Variants in DCC observed in about 807,000 individuals in gnomAD.
DCC encodes netrin receptor DCC.
DCC carries 58 observed loss-of-function variants against 172.5 expected under a neutral mutation model. The observed-to-expected ratio is 0.34, with a 90% CI of 0.27 to 0.42. The LOEUF (loss-of-function observed/expected upper bound fraction) is 0.42, where lower values mean the gene tolerates loss of function less well. Among genes scored for constraint, DCC ranks in the 10% least tolerant of loss-of-function variants. DCC has a pLI of 1.00. For synonymous variants in DCC, 709 were observed against 644.5 expected, an observed-to-expected ratio of 1.10 and a Z score of -1.52; for missense variants, 1,740 against 1,791.0, an observed-to-expected ratio of 0.97 and a Z score of 0.51.
At chr18:53,198,544 A>C (rs1372613352) in intron 9 of DCC, among the ~76,000 whole-genome samples, 1 of 152,082 alleles carries the variant, frequency 6.6e-6, no homozygotes, top group Non-Finnish European at 1.5e-5. Context: ...AGATTCGGCT[A>C]ACTTTTATAT....
chr18:52,413,933 G>A (rs1465479749), intron 1 of DCC, among the ~76,000 whole-genome samples: 1 of 152,160 alleles, frequency 6.6e-6, no homozygotes, highest in Admixed American at 6.5e-5. Context: ...CAAATAGAAT[G>A]ATTTGTCATT....
At chr18:52,699,579 A>AAT (rs1334255733) in intron 1 of DCC, among the ~76,000 whole-genome samples, 1 of 152,208 alleles carries the variant, frequency 6.6e-6, no homozygotes, top group Admixed American at 6.5e-5. Context: ...GAAATGACAA[A>AAT]TCAAAGCCTT....
chr18:52,576,415 T>C (rs898326436), intron 1 of DCC, among the ~76,000 whole-genome samples: 10 of 152,210 alleles, frequency 6.6e-5, no homozygotes, highest in African/African-American at 2.4e-4. Context: ...AGAATAATTT[T>C]AAAGAGGGCA....
At chr18:53,096,661 C>T (rs1157862785) in intron 7 of DCC, among the ~76,000 whole-genome samples, 1 of 152,032 alleles carries the variant, frequency 6.6e-6, no homozygotes, top group Admixed American at 6.6e-5. Context: ...TTTATAGCCT[C>T]ATAGTGAATT....
chr18:53,397,543 C>T lies in DCC; in HGVS notation c.2827+97C>T, dbSNP rs180745026. ...TGTTCCCTATGGTGTCTCAATTATA[C>T]CTTATCCTATATAAAATAGTTCATC... On this transcript the variant is annotated intron_variant, in intron 18 of 28. Coordinates refer to ENST00000442544, the MANE Select transcript of DCC (RefSeq NM_005215.4). The T allele has an allele frequency of 3.9e-6, 5 of 1,286,702 alleles. No homozygotes were observed. The East Asian group carries it at 9.4e-5, about 24-fold the overall frequency. 79.7% of individuals were successfully genotyped at this position (1,286,702 alleles called of 1,614,324 possible). A position where few individuals can be genotyped will look rare whatever the true frequency, so the allele number is the denominator to read the frequency against.
intron 5 of DCC, among the ~76,000 whole-genome samples, chr18:53,050,890 C>T (rs2042324869): frequency 6.6e-6 from 1 of 152,092 alleles, no homozygotes; most frequent in Non-Finnish European, 1.5e-5. Context: ...CCATTGAACA[C>T]TTTCACCTTG....
At chr18:53,026,503 A>G (rs2041956887) in intron 5 of DCC, among the ~76,000 whole-genome samples, 1 of 152,250 alleles carries the variant, frequency 6.6e-6, no homozygotes, top group African/African-American at 2.4e-5. Context: ...GTCTGAATTA[A>G]TAACTCACAC....
At chr18:52,632,171 T>C (rs558296076) in intron 1 of DCC, among the ~76,000 whole-genome samples, 3 of 152,302 alleles carry the variant, frequency 2.0e-5, no homozygotes, top group African/African-American at 7.2e-5. Flanking sequence ...AATTACTCAA[T>C]TGGTAAGTAA....
chr18:53,268,006 C>A (rs56252376), intron 12 of DCC, among the ~76,000 whole-genome samples: 7 of 152,118 alleles, frequency 4.6e-5, no homozygotes, highest in Non-Finnish European at 1.0e-4. Flanking sequence ...AAAATTCCCC[C>A]GTGTGAGCAC....
chr18:53,508,352 A>G (rs1357991125), intron 27 of DCC, among the ~76,000 whole-genome samples: 5 of 151,922 alleles, frequency 3.3e-5, no homozygotes, highest in South Asian at 4.1e-4. Context: ...GACACCTCAC[A>G]TGACTAATTT....
chr18:52,515,913 T>A (rs1288604466), intron 1 of DCC, among the ~76,000 whole-genome samples: 8 of 77,958 alleles, frequency 1.0e-4, no homozygotes, highest in Admixed American at 2.5e-4. Flanking sequence ...AGAAAAAAAA[T>A]CCAGTTAGAA....
intron 1 of DCC, among the ~76,000 whole-genome samples, chr18:52,352,641 TG>T (rs1984176098): frequency 6.6e-6 from 1 of 152,174 alleles, no homozygotes; most frequent in African/African-American, 2.4e-5. Context: ...TGTGCAGTAC[TG>T]GGTATAATTG....
At chr18:52,682,027 T>G (rs2035757779) in intron 1 of DCC, among the ~76,000 whole-genome samples, 1 of 152,144 alleles carries the variant, frequency 6.6e-6, no homozygotes, top group Non-Finnish European at 1.5e-5. Context: ...GTCACATAAT[T>G]TGCACTAAAA....
chr18:52,762,538 C>T (rs1375498134), intron 2 of DCC, among the ~76,000 whole-genome samples: 3 of 150,936 alleles, frequency 2.0e-5, no homozygotes, highest in African/African-American at 7.3e-5. Flanking sequence ...CTCAGTATAT[C>T]TGGGGCTGGG....
At chr18:53,498,203 A>T (rs1323756758) in intron 26 of DCC, among the ~76,000 whole-genome samples, 6 of 152,090 alleles carry the variant, frequency 3.9e-5, no homozygotes, top group Non-Finnish European at 8.8e-5. Flanking sequence ...GAATTATCAG[A>T]TTTTCTATTT....
At chr18:52,721,330 C>A (rs1227485831) in intron 1 of DCC, among the ~76,000 whole-genome samples, 1 of 152,122 alleles carries the variant, frequency 6.6e-6, no homozygotes, top group Non-Finnish European at 1.5e-5. Flanking sequence ...TTGGGCTGTT[C>A]CTTCTGTTTT....
chr18:52,685,488 C>A (rs1049709980), intron 1 of DCC, among the ~76,000 whole-genome samples: 2 of 151,972 alleles, frequency 1.3e-5, no homozygotes, highest in Non-Finnish European at 2.9e-5. Flanking sequence ...GAAGGTGGGG[C>A]CTAGTGGGAG....
chr18:53,347,356 G>A (rs971927623), intron 15 of DCC, among the ~76,000 whole-genome samples: 1 of 152,122 alleles, frequency 6.6e-6, no homozygotes, highest in Non-Finnish European at 1.5e-5. Flanking sequence ...GGTTTTTGGG[G>A]GGATTGTTTT....
chr18:53,393,918 TCTCCCTCC>T (rs1555664155), intron 17 of DCC, among the ~76,000 whole-genome samples: 1 of 151,624 alleles, frequency 6.6e-6, no homozygotes, highest in African/African-American at 2.4e-5. Context: ...TCTCTCCCTC[TCTCCCTCC>T]CTCCCTCCCC....
Sources: gnomAD v4.1 joint callset for allele counts (sites outside exome capture counted in the v4.1 genomes callset) on GRCh38, gnomAD v4.1.1 for gene constraint, MANE v1.5 for transcripts, NCBI Gene and HGNC (gene_info 2026-07-23, HGNC 2026-07-21) for gene names.